The following ITCH variants were observed in gnomAD, a reference collection of about 807,000 sequenced individuals.
ITCH encodes E3 ubiquitin-protein ligase Itchy homolog.
In ITCH, 28 loss-of-function variants were observed where a neutral mutation model predicts 126.8. That is an observed-to-expected ratio of 0.22 (90% CI 0.16 to 0.30). The LOEUF (loss-of-function observed/expected upper bound fraction) is 0.30, where lower values mean the gene tolerates loss of function less well. Ranked by LOEUF, ITCH falls within the 10% of genes least tolerant of loss-of-function variation. The pLI is 1.00. For synonymous variants in ITCH, 342 were observed against 340.0 expected, an observed-to-expected ratio of 1.01 and a Z score of -0.06; for missense variants, 631 against 1,032.4, an observed-to-expected ratio of 0.61 and a Z score of 5.33.
At chr20:34,454,855 G>A (rs1452299291) in intron 12 of ITCH, among the ~76,000 whole-genome samples, 1 of 106,148 alleles carries the variant, frequency 9.4e-6, no homozygotes, top group Non-Finnish European at 1.8e-5. Flanking sequence ...TTGAGATGGA[G>A]TTTTGCTCTT....
At chr20:34,374,614 G>C (rs548601951) in intron 2 of ITCH, among the ~76,000 whole-genome samples, 1 of 152,260 alleles carries the variant, frequency 6.6e-6, no homozygotes, top group African/African-American at 2.4e-5. Flanking sequence ...AAATTTAAAT[G>C]CCTGCAAGGG....
intron 1 of ITCH, among the ~76,000 whole-genome samples, chr20:34,365,140 C>T (rs940655369): frequency 4.0e-5 from 6 of 151,796 alleles, no homozygotes; most frequent in African/African-American, 4.8e-5. Context: ...GTCGAGGCTG[C>T]GGTGAGCTGT....
intron 2 of ITCH, 178 bp downstream of exon 2, chr20:34,369,648 T>G: frequency 2.6e-6 from 1 of 389,760 alleles, no homozygotes; most frequent in Non-Finnish European, 4.5e-6. Context: ...GATTAGCCTG[T>G]GAGCCACACT....
intron 3 of ITCH, among the ~76,000 whole-genome samples, chr20:34,405,346 A>C (rs2039023147): frequency 6.6e-6 from 1 of 152,084 alleles, no homozygotes; most frequent in Non-Finnish European, 1.5e-5. Context: ...TTCTACTAAA[A>C]ATACAAACAT....
chr20:34,457,354 A>G (rs774673681), intron 12 of ITCH, 36 bp from the exon 13 acceptor site: 1 of 1,384,720 alleles, frequency 7.2e-7, no homozygotes, highest in Admixed American at 1.7e-5. Context: ...GCCAATGCTA[A>G]TGCTTTGCTT....
chr20:34,445,702 A>T (rs994539777), intron 11 of ITCH, among the ~76,000 whole-genome samples: 1 of 152,188 alleles, frequency 6.6e-6, no homozygotes, highest in African/African-American at 2.4e-5. Flanking sequence ...AGCAAAAAAT[A>T]AGTTAGGACA....
At chr20:34,450,499 T>G (rs1252027742) in intron 12 of ITCH, among the ~76,000 whole-genome samples, 1 of 152,204 alleles carries the variant, frequency 6.6e-6, no homozygotes, top group Non-Finnish European at 1.5e-5. Flanking sequence ...TAATAGACTT[T>G]AAGCTGGACC....
intron 16 of ITCH, among the ~76,000 whole-genome samples, chr20:34,475,075 G>A (rs1367984872): frequency 6.6e-6 from 1 of 151,560 alleles, no homozygotes; most frequent in African/African-American, 2.4e-5. Context: ...GGGCAGAGAC[G>A]CTCCTCACTT....
intron 1 of ITCH, among the ~76,000 whole-genome samples, chr20:34,364,500 T>C (rs2037332472): frequency 6.6e-6 from 1 of 151,924 alleles, no homozygotes; most frequent in South Asian, 2.1e-4. Context: ...GGTTTATCAG[T>C]TGAGGTGAAG....
intron 14 of ITCH, among the ~76,000 whole-genome samples, chr20:34,464,687 TC>T (rs766451097): frequency 2.6e-5 from 4 of 151,884 alleles, no homozygotes; most frequent in Non-Finnish European, 4.4e-5. Flanking sequence ...CATTTCCAAA[TC>T]CAGTGTCATA....
At chr20:34,423,061 C>T (rs1980999122) in intron 6 of ITCH, among the ~76,000 whole-genome samples, 1 of 152,170 alleles carries the variant, frequency 6.6e-6, no homozygotes, top group Non-Finnish European at 1.5e-5. Flanking sequence ...TCCCAAAGTG[C>T]TGGGATTACA....
At chr20:34,474,731 T>C (rs1320638579) in intron 16 of ITCH, among the ~76,000 whole-genome samples, 1 of 135,842 alleles carries the variant, frequency 7.4e-6, no homozygotes, top group Non-Finnish European at 1.6e-5. Flanking sequence ...CACTTCCCAG[T>C]AGGGGCGGCC....
chr20:34,363,708 G>A (rs2037289576), intron 1 of ITCH, among the ~76,000 whole-genome samples: 1 of 152,068 alleles, frequency 6.6e-6, no homozygotes, highest in Admixed American at 6.5e-5. Context: ...CCAGCGGTTC[G>A]GCCTACGCGC....
Position 34,440,344 on chromosome 20 carries a change from G to C in ITCH, c.869G>C (p.Gly290Ala). 6.2e-7 allele frequency: 1 copy of C among 1,610,416 alleles called. No homozygotes were observed. The highest frequency in any genetic ancestry group is 8.5e-7 in the Non-Finnish European group (1 of 1,176,674). The stretch of plus-strand genomic sequence containing the variant: ...GTAACTCAAGCTCCCTTGCCACCTG[G>C]GTGAGTAACTTTTTAAATTAACATA... ...NPVTQAPLPPGWEQRVDQHGR... is the reference protein window; with the variant it reads ...NPVTQAPLPPAWEQRVDQHGR... The change falls in exon 9 of 25, where the codon GGT becomes GCT. Residue 290 changes from glycine (G) to alanine (A), a missense_variant and splice_region_variant. Physicochemically the swap from Gly to Ala is moderately conservative, Grantham distance 60. Transcript: ENST00000374864.
intron 24 of ITCH, among the ~76,000 whole-genome samples, chr20:34,507,277 T>TG (rs1231999529): frequency 1.1e-5 from 1 of 87,464 alleles, no homozygotes; most frequent in East Asian, 2.8e-4. Context: ...TTTTTTTTTT[T>TG]TTTTTTTTTT....
At position 34,461,826 on chromosome 20, in the gene ITCH, G is replaced by A. The variant is rs371978684; in HGVS notation, c.1296-267G>A. Among the ~76,000 whole-genome samples, 11 of 152,090 alleles carry A rather than the reference G, an allele frequency of 7.2e-5. No homozygotes were observed. The East Asian group carries it at 1.9e-3, about 27-fold the overall frequency. On this transcript the variant is annotated intron_variant, in intron 13 of 24. Coordinates refer to ENST00000374864, the MANE Select transcript of ITCH (RefSeq NM_031483.7). The stretch of plus-strand genomic sequence containing the variant: ...TTCTAAGGCAGAATGGTTAGAACTT[G>A]GTTAACAAAATGTTTAGGATGAGTC...
chr20:34,410,671 G>A (rs200687920), intron 4 of ITCH, among the ~76,000 whole-genome samples: 9 of 152,092 alleles, frequency 5.9e-5, no homozygotes, highest in East Asian at 1.9e-4. Flanking sequence ...GCAAAGTAGC[G>A]AGTTCCCATC....
chr20:34,390,267 A>G (rs1481051378), intron 2 of ITCH, among the ~76,000 whole-genome samples: 1 of 152,172 alleles, frequency 6.6e-6, no homozygotes, highest in Non-Finnish European at 1.5e-5. Flanking sequence ...ATTATAGATT[A>G]TCTACATTTA....
intron 15 of ITCH, among the ~76,000 whole-genome samples, chr20:34,470,848 G>A (rs564942566): frequency 6.6e-6 from 1 of 152,280 alleles, no homozygotes; most frequent in South Asian, 2.1e-4. Context: ...TCTTCCCCAA[G>A]TGCTGGGATT....
Sources: gnomAD v4.1 joint callset for allele counts (sites outside exome capture counted in the v4.1 genomes callset) on GRCh38, gnomAD v4.1.1 for gene constraint, MANE v1.5 for transcripts, NCBI Gene and HGNC (gene_info 2026-07-23, HGNC 2026-07-21) for gene names.